CNTLN: variants seen among roughly 807,000 people sequenced by gnomAD.
CNTLN encodes centlein, centrosomal protein.
Under a neutral mutation model 180.0 loss-of-function variants are expected in CNTLN, and 212 were observed. The observed-to-expected ratio is 1.18, with a 90% CI of 1.05 to 1.32. The LOEUF (loss-of-function observed/expected upper bound fraction) is 1.32. Among genes scored for constraint, CNTLN ranks in the 40% most tolerant of loss-of-function variants. The pLI, the probability that CNTLN is intolerant of heterozygous loss-of-function variation, is 0.00. For missense variants in CNTLN, 2,095 were observed against 1,610.9 expected (o/e 1.30, Z -5.14); for synonymous variants, 722 against 563.1 (o/e 1.28, Z -3.99).
intron 7 of CNTLN, chr9:17,298,620 C>G: frequency 2.8e-6 from 3 of 1,066,920 alleles, no homozygotes; most frequent in Non-Finnish European, 3.4e-6. Flanking sequence ...ATTCAGACAG[C>G]TTCTGTGAAA....
chr9:17,260,280 G>C lies in CNTLN; in HGVS notation c.850-13453G>C, dbSNP rs145000432. Among the ~76,000 whole-genome samples, 262 of 150,376 alleles carry C rather than the reference G, an allele frequency of 1.7e-3. 12 individuals are homozygous for C. Among genetic ancestry groups the C allele is most frequent in the African/African-American group, 6.0e-3 (241 of 40,054 alleles). ...GGTTGTTCAGTTTCCATGTAGTTGA[G>C]CGGTTTTGAGTGAGTTTCTTAATCC... On this transcript the variant is annotated intron_variant, in intron 5 of 25. Coordinates refer to ENST00000380647, the MANE Select transcript of CNTLN (RefSeq NM_017738.4).
intron 13 of CNTLN, among the ~76,000 whole-genome samples, chr9:17,372,625 A>G (rs1455526977): frequency 1.3e-5 from 2 of 152,170 alleles, no homozygotes; most frequent in Non-Finnish European, 2.9e-5. Flanking sequence ...AACTCATTCT[A>G]CAAGGCCAGT....
chr9:17,273,814 A>G lies in CNTLN; in HGVS notation c.931A>G (p.Ser311Gly). The stretch of plus-strand genomic sequence containing the variant: ...ATACAATGCTCTATCATTACAGTTG[A>G]GTAATAAACAGACTGAACTTATCCA... ...SKYNALSLQL[S>G]NKQTELIQKD... Residue 311 changes from serine (S) to glycine (G), a missense_variant, in exon 6 of 26, where the codon AGT becomes GGT. Physicochemically the swap from Ser to Gly is moderately conservative, Grantham distance 56. Coordinates refer to ENST00000380647, the MANE Select transcript of CNTLN (RefSeq NM_017738.4). 7.0e-6 allele frequency: 11 copies of G among 1,573,866 alleles called. No individual in the cohort carries two copies. The highest frequency in any genetic ancestry group is 8.6e-6 in the Non-Finnish European group (10 of 1,163,092).
intron 13 of CNTLN, among the ~76,000 whole-genome samples, chr9:17,380,097 G>A (rs774892763): frequency 6.6e-6 from 1 of 152,172 alleles, no homozygotes; most frequent in Non-Finnish European, 1.5e-5. Flanking sequence ...TTAAGCAAGA[G>A]GCTAAAGGGG....
chr9:17,385,617 C>T (rs1003160029), intron 13 of CNTLN, among the ~76,000 whole-genome samples: 6 of 152,054 alleles, frequency 3.9e-5, no homozygotes, highest in African/African-American at 4.8e-5. Flanking sequence ...TCTGTATCCA[C>T]GGGTTCCACA....
At chr9:17,220,364 A>C (rs1294584499) in intron 2 of CNTLN, among the ~76,000 whole-genome samples, 1 of 151,998 alleles carries the variant, frequency 6.6e-6, no homozygotes, top group Non-Finnish European at 1.5e-5. Context: ...GGGGATCTTA[A>C]GTTTATTATA....
intron 18 of CNTLN, among the ~76,000 whole-genome samples, chr9:17,442,783 C>G (rs936664362): frequency 5.9e-5 from 9 of 152,088 alleles, no homozygotes; most frequent in Non-Finnish European, 1.2e-4. Flanking sequence ...AAAATGAAAA[C>G]ATAACATACC....
chr9:17,475,600 C>T (rs111466878), intron 23 of CNTLN, among the ~76,000 whole-genome samples: 1 of 151,842 alleles, frequency 6.6e-6, no homozygotes, highest in Non-Finnish European at 1.5e-5. Flanking sequence ...GGGCCGGGCA[C>T]AGTGGCTCAC....
intron 22 of CNTLN, among the ~76,000 whole-genome samples, chr9:17,466,438 T>C (rs866355110): frequency 3.3e-5 from 5 of 151,578 alleles, no homozygotes; most frequent in Middle Eastern, 3.4e-3. Flanking sequence ...TTCCATGTTA[T>C]GTGGAGGATC....
chr9:17,199,598 G>C (rs1029273230), intron 2 of CNTLN, among the ~76,000 whole-genome samples: 1 of 152,166 alleles, frequency 6.6e-6, no homozygotes, highest in African/African-American at 2.4e-5. Context: ...GACCAGAGAT[G>C]ATGAGCTTTT....
the CNTLN span, among the ~76,000 whole-genome samples, chr9:17,519,654 A>T: frequency 6.6e-6 from 1 of 151,958 alleles, no homozygotes; most frequent in African/African-American, 2.4e-5. Flanking sequence ...TGGATCATGG[A>T]CTCCATCACC....
rs751098231 is a variant in CNTLN, at chr9:17,332,693, G to A, written c.1607G>A (p.Arg536Lys). 6.2e-7 allele frequency: 1 copy of A among 1,605,802 alleles called. No homozygotes were observed. The highest frequency in any genetic ancestry group is 1.1e-5 in the South Asian group (1 of 89,608). ...EELQKLRKAE[R>K]KIENLEKALQ... is the part of the protein sequence containing the mutation. ...CTACAGAAGCTGAGAAAAGCTGAAAGAAAGATTGAAAACTTAGAGAAGGCA... is the reference window on the plus strand; with the variant it reads ...CTACAGAAGCTGAGAAAAGCTGAAAAAAAGATTGAAAACTTAGAGAAGGCA... The change falls in exon 10 of 26, where the codon AGA becomes AAA. Residue 536 changes from arginine to lysine, a missense_variant. Physicochemically the swap from Arg to Lys is conservative, Grantham distance 26. Transcript: ENST00000380647.
intron 25 of CNTLN, among the ~76,000 whole-genome samples, chr9:17,495,704 G>C (rs559844556): frequency 1.3e-5 from 2 of 152,284 alleles, no homozygotes; most frequent in African/African-American, 4.8e-5. Context: ...GTAGTGTACA[G>C]TAATGTCCTA....
intron 2 of CNTLN, among the ~76,000 whole-genome samples, chr9:17,223,020 C>T (rs549676296): frequency 3.6e-4 from 55 of 151,982 alleles, no homozygotes; most frequent in Non-Finnish European, 3.2e-4. Context: ...AGCCTCCCAA[C>T]GGGTACTTGA....
At position 17,156,856 on chromosome 9, in the gene CNTLN, G is replaced by T. The variant is rs188356762; in HGVS notation, c.449+13480G>T. On this transcript the variant is annotated intron_variant, in intron 2 of 25. Transcript: ENST00000380647. ...TTGAAATAATAAAATAGAATTGAAA[G>T]CACTCTATATTAGCTAGCCTATGGA... is the stretch of plus-strand genomic sequence containing the variant. Among the ~76,000 whole-genome samples, 773 of 152,274 alleles carry T rather than the reference G, an allele frequency of 5.1e-3. 5 individuals are homozygous for T. Among genetic ancestry groups the T allele is most frequent in the Admixed American group, 8.0e-3 (122 of 15,298 alleles).
intron 3 of CNTLN, among the ~76,000 whole-genome samples, chr9:17,229,750 G>A (rs968857547): frequency 6.6e-6 from 1 of 151,966 alleles, no homozygotes; most frequent in African/African-American, 2.4e-5. Flanking sequence ...GTGTACCATG[G>A]GTAGCCTAGC....
At chr9:17,494,533 G>A (rs945937629) in intron 25 of CNTLN, among the ~76,000 whole-genome samples, 27 of 151,996 alleles carry the variant, frequency 1.8e-4, no homozygotes, top group African/African-American at 5.5e-4. Flanking sequence ...ACCCTCTACC[G>A]TCAAATAGGC....
At chr9:17,475,741 T>G (rs771952926) in intron 23 of CNTLN, among the ~76,000 whole-genome samples, 3 of 151,750 alleles carry the variant, frequency 2.0e-5, no homozygotes, top group African/African-American at 7.3e-5. Context: ...GGCATGGTGG[T>G]GGGCACCTGT....
intron 14 of CNTLN, among the ~76,000 whole-genome samples, chr9:17,388,910 T>C (rs935924014): frequency 5.3e-5 from 8 of 152,084 alleles, no homozygotes; most frequent in Non-Finnish European, 8.8e-5. Context: ...TGTTATCAAG[T>C]TCAATTAAGT....
Sources: gnomAD v4.1 joint callset for allele counts (sites outside exome capture counted in the v4.1 genomes callset) on GRCh38, gnomAD v4.1.1 for gene constraint, MANE v1.5 for transcripts, NCBI Gene and HGNC (gene_info 2026-07-23, HGNC 2026-07-21) for gene names.